DCBLD2: variants seen among roughly 807,000 people sequenced by gnomAD.
DCBLD2 encodes the protein discoidin, CUB and LCCL domain containing 2, also known as discoidin, CUB and LCCL domain-containing protein 2.
DCBLD2 carries 54 observed loss-of-function variants against 86.8 expected under a neutral mutation model. The ratio of observed to expected loss-of-function variants is 0.62; its 90% confidence interval spans 0.50 to 0.78. The LOEUF (loss-of-function observed/expected upper bound fraction) is 0.78, where lower values mean the gene tolerates loss of function less well. DCBLD2 is among the 30% of genes least tolerant of loss of function. The probability of loss-of-function intolerance (pLI) is 0.00; values close to 1 mark genes in which losing one functional copy is unlikely to be tolerated. For missense variants in DCBLD2, 908 were observed against 954.2 expected, an observed-to-expected ratio of 0.95 and a Z score of 0.64; for synonymous variants, 354 against 341.3, an observed-to-expected ratio of 1.04 and a Z score of -0.41.
At chr3:98,801,399 G>C (rs1941715422) in intron 14 of DCBLD2, 1 of 455,696 alleles carries the variant, frequency 2.2e-6, no homozygotes, top group African/African-American at 2.0e-5. Flanking sequence ...TAAGAAATTT[G>C]TACTTTTCAT....
intron 13 of DCBLD2, among the ~76,000 whole-genome samples, chr3:98,803,453 A>G (rs1480546455): frequency 1.3e-5 from 2 of 152,186 alleles, no homozygotes; most frequent in African/African-American, 2.4e-5. Context: ...GGCTGAGATG[A>G]TGGGGTTTTC....
At chr3:98,827,339 A>C (rs1478318040) in intron 3 of DCBLD2, among the ~76,000 whole-genome samples, 1 of 152,206 alleles carries the variant, frequency 6.6e-6, no homozygotes, top group Non-Finnish European at 1.5e-5. Flanking sequence ...TTAGAAGTTG[A>C]ATTTCTAAGA....
chr3:98,868,577 T>C (rs978519872), intron 2 of DCBLD2, among the ~76,000 whole-genome samples: 15 of 152,208 alleles, frequency 9.9e-5, no homozygotes, highest in Admixed American at 9.8e-4. Context: ...GTGTACAGTG[T>C]ACCCAACAGG....
intron 6 of DCBLD2, 49 bp from the exon 7 acceptor site, chr3:98,820,337 G>A: frequency 8.3e-6 from 11 of 1,319,516 alleles, no homozygotes; most frequent in Non-Finnish European, 1.1e-5. Flanking sequence ...AACACATGAT[G>A]CCCCATATTT....
rs550869458 is a variant in DCBLD2 at position 98,803,404 on chromosome 3, G to A, written c.1671-1755C>T. 3.0e-3 allele frequency among the ~76,000 whole-genome samples: 463 copies of A among 152,294 alleles called. 1 individual carries two copies. Among genetic ancestry groups the A allele is most frequent in the Middle Eastern group, 6.8e-3 (2 of 294 alleles). On this transcript the variant is annotated intron_variant, in intron 13 of 15. Coordinates refer to ENST00000326840, the MANE Select transcript of DCBLD2 (RefSeq NM_080927.4). ...TTTGTACATTGATTTTGTATCCTGA[G>A]ACTTTGCTGAAGTTGCTTATCAGCT...
intron 15 of DCBLD2, among the ~76,000 whole-genome samples, chr3:98,800,181 ATAAATAT>A (rs1429861154): frequency 1.3e-5 from 2 of 152,232 alleles, no homozygotes; most frequent in Non-Finnish European, 2.9e-5. Flanking sequence ...AGTTACTGGA[ATAAATAT>A]TAATCTTGAA....
intron 1 of DCBLD2, among the ~76,000 whole-genome samples, chr3:98,888,695 A>G (rs1943604089): frequency 6.6e-6 from 1 of 152,036 alleles, no homozygotes; most frequent in Non-Finnish European, 1.5e-5. Context: ...CAATCTGGCG[A>G]AAGTTAAGAG....
chr3:98,901,218 G>C lies in DCBLD2; in HGVS notation c.109C>G (p.Pro37Ala). 1 of 1,535,560 alleles carries C rather than the reference G, an allele frequency of 6.5e-7. No individual in the cohort carries two copies. The highest frequency in any genetic ancestry group is 8.7e-7 in the Non-Finnish European group (1 of 1,146,492). Reference sequence around the variant, plus strand: ...AAGGAGGAGGAGTTGGAGCAGGGAGGGAGGGAGCGGGAGAGGGGGAGCGCG... The same window carrying C: ...AAGGAGGAGGAGTTGGAGCAGGGAGCGAGGGAGCGGGAGAGGGGGAGCGCG... The part of the protein sequence containing the change: ...WAALPLSRSL[P>A]PCSNSSSFSM... The change falls in exon 1 of 16, where the codon CCT becomes GCT. Residue 37 changes from proline to alanine, a missense_variant. Physicochemically the swap from Pro to Ala is conservative, Grantham distance 27. Coordinates refer to ENST00000326840, the MANE Select transcript of DCBLD2 (RefSeq NM_080927.4).
chr3:98,862,789 C>T (rs893600527), intron 2 of DCBLD2, among the ~76,000 whole-genome samples: 2 of 152,296 alleles, frequency 1.3e-5, no homozygotes, highest in East Asian at 3.9e-4. Context: ...AAACTGGAAG[C>T]ATTCCCTTTG....
At chr3:98,815,587 A>G (rs1942006362) in intron 9 of DCBLD2, 1 of 152,178 alleles carries the variant, frequency 6.6e-6, no homozygotes, top group African/African-American at 2.4e-5. Context: ...ATCAACATAA[A>G]AAGACCCATA....
chr3:98,854,795 A>AG lies in DCBLD2; in HGVS notation c.434-5198dup, dbSNP rs142411281. On this transcript the variant is annotated intron_variant, in intron 2 of 15. Transcript: ENST00000326840. The stretch of plus-strand genomic sequence containing the variant: ...CATTTTAAAGTGAATAAACGCTGCA[A>AG]GGGAAAAATGTACCTTGACACTTTG... Among the ~76,000 whole-genome samples the AG allele has an allele frequency of 8.5e-5, 13 of 152,318 alleles. No individual in the cohort carries two copies. In the East Asian group the frequency reaches 2.5e-3, roughly 29 times the overall value.
chr3:98,868,146 C>G (rs1254546925), intron 2 of DCBLD2, among the ~76,000 whole-genome samples: 5 of 152,052 alleles, frequency 3.3e-5, no homozygotes, highest in African/African-American at 1.2e-4. Flanking sequence ...ATCAAGCAGC[C>G]CCCTGAAGCC....
intron 2 of DCBLD2, among the ~76,000 whole-genome samples, chr3:98,862,294 G>A (rs1472111259): frequency 3.3e-5 from 5 of 152,136 alleles, no homozygotes; most frequent in African/African-American, 1.2e-4. Context: ...AGAGGTACAA[G>A]GAGGAGCTGG....
At chr3:98,851,983 T>C (rs561070665) in intron 2 of DCBLD2, among the ~76,000 whole-genome samples, 5 of 152,200 alleles carry the variant, frequency 3.3e-5, no homozygotes, top group African/African-American at 1.2e-4. Flanking sequence ...ATAAAAAACC[T>C]AGAAAACCTA....
chr3:98,799,756 G>A lies in DCBLD2; in HGVS notation c.1944C>T (p.Gly648=). Reference sequence around the variant, plus strand: ...AGTTGTAAGGATCTAGGTCTGCATAGCCTGCTTCTTTTCCTTCTTCTGGTT... The same window carrying A: ...AGTTGTAAGGATCTAGGTCTGCATAACCTGCTTCTTTTCCTTCTTCTGGTT... ...TFKPEEGKEA[G]YADLDPYNSP... The change falls in exon 16 of 16, where the codon GGC becomes GGT. Residue 648 remains glycine, a synonymous_variant. Transcript: ENST00000326840. 1 of 1,613,934 alleles carries A rather than the reference G, an allele frequency of 6.2e-7. No homozygotes were observed. Among genetic ancestry groups the A allele is most frequent in the Non-Finnish European group, 8.5e-7 (1 of 1,179,872 alleles).
At position 98,837,125 on chromosome 3, in the gene DCBLD2, G is replaced by A. The variant is rs868689013; in HGVS notation, c.572-11759C>T. 3.3e-3 allele frequency among the ~76,000 whole-genome samples: 9 copies of A among 2,718 alleles called. 4 individuals are homozygous for A. The highest frequency in any genetic ancestry group is 0.019 in the Non-Finnish European group (4 of 214). The allele number at this position is 2,718 out of a possible 152,430, so 1.8% of individuals were successfully genotyped here. A position where few individuals can be genotyped will look rare whatever the true frequency, so the allele number is the denominator to read the frequency against. On this transcript the variant is annotated intron_variant, in intron 3 of 15. Transcript: ENST00000326840. ...CGACACCCCCACCTCCCTCCCAGAC[G>A]GGGTGGCTGGCCGGGCAGGGGGCCG...
chr3:98,819,511 T>C, intron 7 of DCBLD2, 94 bp from the exon 8 acceptor site: 1 of 1,215,998 alleles, frequency 8.2e-7, no homozygotes, highest in Non-Finnish European at 1.2e-6. Flanking sequence ...CATCTTTAAT[T>C]AACATACACT....
chr3:98,806,506 A>C (rs1349320099), intron 13 of DCBLD2, among the ~76,000 whole-genome samples: 1 of 152,030 alleles, frequency 6.6e-6, no homozygotes, highest in African/African-American at 2.4e-5. Flanking sequence ...GTCTCTGCTT[A>C]GACAGCCTGT....
At chr3:98,828,914 C>T (rs1463807352) in intron 3 of DCBLD2, among the ~76,000 whole-genome samples, 1 of 152,118 alleles carries the variant, frequency 6.6e-6, no homozygotes, top group Non-Finnish European at 1.5e-5. Flanking sequence ...TCACAAAAGA[C>T]CACATACTAT....
Sources: gnomAD v4.1 joint callset for allele counts (sites outside exome capture counted in the v4.1 genomes callset) on GRCh38, gnomAD v4.1.1 for gene constraint, MANE v1.5 for transcripts, NCBI Gene and HGNC (gene_info 2026-07-23, HGNC 2026-07-21) for gene names.